The following RBPMS variants were observed in gnomAD, a reference collection of about 807,000 sequenced individuals.
RBPMS encodes RNA binding protein, mRNA processing factor.
Under a neutral mutation model 26.8 loss-of-function variants are expected in RBPMS, and 7 were observed. The observed-to-expected ratio is 0.26, with a 90% CI of 0.15 to 0.49. The LOEUF is 0.49. Ranked by LOEUF, RBPMS falls within the 20% of genes least tolerant of loss-of-function variation. The pLI is 0.98. For missense variants in RBPMS, 186 were observed against 250.0 expected (o/e 0.74, Z 1.73); for synonymous variants, 96 against 93.3 (o/e 1.03, Z -0.17).
intron 1 of RBPMS, among the ~76,000 whole-genome samples, chr8:30,469,044 C>T (rs1404474592): frequency 1.3e-5 from 2 of 152,178 alleles, no homozygotes; most frequent in African/African-American, 4.8e-5. Flanking sequence ...AAAACTAGAA[C>T]ATGCAGAGAA....
intron 5 of RBPMS, among the ~76,000 whole-genome samples, chr8:30,538,472 TC>T (rs1825038984): frequency 6.6e-6 from 1 of 152,126 alleles, no homozygotes; most frequent in South Asian, 2.1e-4. Context: ...GCCAGGCTGA[TC>T]TTGAACTCCT....
At chr8:30,435,077 G>A (rs1226795197) in intron 1 of RBPMS, among the ~76,000 whole-genome samples, 1 of 152,050 alleles carries the variant, frequency 6.6e-6, no homozygotes, top group Non-Finnish European at 1.5e-5. Context: ...TCCCTTATCT[G>A]AAAATCTGAA....
At chr8:30,566,821 C>A (rs1827920835) in intron 8 of RBPMS, among the ~76,000 whole-genome samples, 1 of 152,146 alleles carries the variant, frequency 6.6e-6, no homozygotes. Context: ...CATTTGATGA[C>A]TTAGGGACAT....
intron 1 of RBPMS, among the ~76,000 whole-genome samples, chr8:30,427,296 G>T (rs1168810360): frequency 2.0e-5 from 3 of 152,146 alleles, no homozygotes; most frequent in Non-Finnish European, 4.4e-5. Context: ...TGCTTTATTG[G>T]CCATTCTTAG....
chr8:30,385,308 G>A, intron 1 of RBPMS, 150 bp downstream of exon 1: 1 of 483,754 alleles, frequency 2.1e-6, no homozygotes, highest in Non-Finnish European at 3.5e-6. Context: ...GGGGAGGGTG[G>A]ATCTCGGGAG....
rs529815189 is a variant in RBPMS at position 30,421,779 on chromosome 8, A to C, written c.66+36621A>C. Among the ~76,000 whole-genome samples the C allele has an allele frequency of 2.8e-4, 42 of 152,236 alleles. No individual in the cohort carries two copies. In the South Asian group the frequency reaches 8.5e-3, roughly 31 times the overall value. ...AGACCATCCTGGCCAACATGGTGAA[A>C]TCCCGTCTCTACTAAAAATACAAAA... On this transcript the variant is annotated intron_variant, in intron 1 of 8. Transcript: ENST00000397323.
At chr8:30,496,370 G>A (rs752307272) in intron 4 of RBPMS, among the ~76,000 whole-genome samples, 4 of 151,966 alleles carry the variant, frequency 2.6e-5, no homozygotes, top group South Asian at 2.1e-4. Context: ...GGGTTTCACC[G>A]TGTTAGCCAG....
Position 30,535,981 on chromosome 8 carries a change from T to C in RBPMS, c.398-8513T>C, listed in dbSNP as rs371052888. Among the ~76,000 whole-genome samples the C allele has an allele frequency of 7.2e-5, 11 of 152,270 alleles. 1 individual carries two copies. The East Asian group carries it at 1.9e-3, about 27-fold the overall frequency. ...GCCTGGGCAACATAGTGAGACCTTGTCTCTAAAATAAATCAATAAATAATG... is the reference window on the plus strand; with the variant it reads ...GCCTGGGCAACATAGTGAGACCTTGCCTCTAAAATAAATCAATAAATAATG... On this transcript the variant is annotated intron_variant, in intron 5 of 8. Transcript: ENST00000397323.
Position 30,474,834 on chromosome 8 carries a change from A to T in RBPMS, c.122A>T (p.Tyr41Phe). ...LPLDIKPREL[Y>F]LLFRPFKGYE... ...CTGGATATCAAACCTCGGGAGCTCT[A>T]TCTGCTTTTCAGACCATTTAAGGTA... is the stretch of plus-strand genomic sequence containing the variant. Residue 41 changes from tyrosine to phenylalanine, a missense_variant, in exon 2 of 9, where the codon TAT (tyrosine) becomes TTT (phenylalanine). Coordinates refer to ENST00000397323, the MANE Select transcript of RBPMS (RefSeq NM_001008710.3). The T allele has an allele frequency of 6.2e-7, 1 of 1,610,880 alleles. No homozygotes were observed. The highest frequency in any genetic ancestry group is 8.5e-7 in the Non-Finnish European group (1 of 1,177,166).
intron 1 of RBPMS, among the ~76,000 whole-genome samples, chr8:30,390,331 A>G (rs1283013421): frequency 6.6e-6 from 1 of 152,144 alleles, no homozygotes; most frequent in African/African-American, 2.4e-5. Flanking sequence ...TCTTAGTACT[A>G]TTAGTATTTC....
intron 1 of RBPMS, among the ~76,000 whole-genome samples, chr8:30,428,089 T>C (rs1009880110): frequency 6.1e-5 from 9 of 147,148 alleles, no homozygotes; most frequent in African/African-American, 2.3e-4. Context: ...AGTGATGCGA[T>C]CTTGGCTCTC....
Position 30,540,732 on chromosome 8 carries a change from CTG to C in RBPMS, c.398-3758_398-3757del, listed in dbSNP as rs1421195055. 3.3e-5 allele frequency among the ~76,000 whole-genome samples: 5 copies of C among 152,186 alleles called. No homozygotes were observed. The South Asian group carries it at 6.2e-4, about 19-fold the overall frequency. On this transcript the variant is annotated intron_variant, in intron 5 of 8. Transcript: ENST00000397323. ...GTGTGAGCCACTGCACGCAGCCAAA[CTG>C]TGTATTTTTAAAGTTGTCTTGACTT...
At chr8:30,411,310 TTC>T (rs1259045296) in intron 1 of RBPMS, among the ~76,000 whole-genome samples, 4 of 152,114 alleles carry the variant, frequency 2.6e-5, no homozygotes, top group Non-Finnish European at 2.9e-5. Context: ...CTTCTGGAGA[TTC>T]TGTGGGAGAC....
chr8:30,479,281 T>A, intron 3 of RBPMS, 34 bp from the exon 4 acceptor site: 1 of 1,560,126 alleles, frequency 6.4e-7, no homozygotes, highest in South Asian at 1.1e-5. Context: ...ATCATCTGAT[T>A]TTTTTTCTTC....
intron 5 of RBPMS, among the ~76,000 whole-genome samples, chr8:30,508,134 A>G (rs1291756902): frequency 6.6e-6 from 1 of 152,186 alleles, no homozygotes; most frequent in African/African-American, 2.4e-5. Flanking sequence ...TATCCATATA[A>G]GAAGAAAAAG....
intron 1 of RBPMS, among the ~76,000 whole-genome samples, chr8:30,410,143 T>TACAC (rs34489233): frequency 0.13 from 17,428 of 131,974 alleles, 1,269 homozygotes; most frequent in Non-Finnish European, 0.16. Context: ...TGACTTAAAA[T>TACAC]ACACACACAC....
At chr8:30,531,940 C>T (rs1202406815) in intron 5 of RBPMS, among the ~76,000 whole-genome samples, 4 of 152,004 alleles carry the variant, frequency 2.6e-5, no homozygotes, top group Non-Finnish European at 5.9e-5. Flanking sequence ...AGGTCAGAGT[C>T]TCCCAAGGTA....
Position 30,558,932 on chromosome 8 carries a change from T to C in RBPMS, c.574T>C (p.Ser192Pro). ...CGAGGCTACTTCTCAGGGCTGGAAGTCCCGTCAGTTCTGCTGAATACTATG... is the reference window on the plus strand; with the variant it reads ...CGAGGCTACTTCTCAGGGCTGGAAGCCCCGTCAGTTCTGCTGAATACTATG... ...PSEATSQGWK[S>P]RQFC Residue 192 changes from serine (S) to proline (P), a missense_variant, in exon 7 of 9, where the codon TCC (serine) becomes CCC (proline). Physicochemically the swap from Ser to Pro is moderately conservative, Grantham distance 74 (BLOSUM62 -1). Around this residue, in one of 3 missense-constraint regions of RBPMS, gnomAD observed 98 missense variants for 113.6 expected, o/e 0.86. Coordinates refer to ENST00000397323, the MANE Select transcript of RBPMS (RefSeq NM_001008710.3). The C allele has an allele frequency of 6.2e-7, 1 of 1,614,104 alleles. No homozygotes were observed. Among genetic ancestry groups the C allele is most frequent in the Non-Finnish European group, 8.5e-7 (1 of 1,179,996 alleles).
intron 5 of RBPMS, among the ~76,000 whole-genome samples, chr8:30,535,525 T>C (rs1380343723): frequency 6.6e-6 from 1 of 152,216 alleles, no homozygotes; most frequent in Non-Finnish European, 1.5e-5. Flanking sequence ...GAGTCCCTGC[T>C]AAGAAATGGA....
Sources: allele counts gnomAD v4.1 joint callset (sites outside exome capture counted in the v4.1 genomes callset), GRCh38; gene constraint gnomAD v4.1.1; regional missense constraint gnomAD v4.1.1; transcripts MANE v1.5; gene names NCBI Gene and HGNC (gene_info 2026-07-23, HGNC 2026-07-21).